Variants in MACROD1 observed in about 807,000 individuals in gnomAD.
The protein encoded by MACROD1 is ADP-ribose glycohydrolase MACROD1.
MACROD1 carries 31 observed loss-of-function variants against 41.4 expected under a neutral mutation model. The observed-to-expected ratio is 0.75, with a 90% CI of 0.56 to 1.01. The LOEUF (loss-of-function observed/expected upper bound fraction) is 1.01, where lower values mean the gene tolerates loss of function less well. Ranked by LOEUF, MACROD1 falls within the 50% of genes least tolerant of loss-of-function variation. MACROD1 has a pLI of 0.00. For synonymous variants in MACROD1, 252 were observed against 203.4 expected (o/e 1.24, Z -2.03); for missense variants, 473 against 460.0 (o/e 1.03, Z -0.26).
chr11:64,043,338 G>C (rs1943524024), intron 3 of MACROD1, among the ~76,000 whole-genome samples: 1 of 152,194 alleles, frequency 6.6e-6, no homozygotes, highest in Non-Finnish European at 1.5e-5. Context: ...CCGCCCTCAG[G>C]ACCCCACCCT....
intron 3 of MACROD1, among the ~76,000 whole-genome samples, chr11:64,043,988 T>G (rs1943537620): frequency 6.6e-6 from 1 of 152,068 alleles, no homozygotes; most frequent in African/African-American, 2.4e-5. Flanking sequence ...TAATTTTTCA[T>G]ATTTTTAGTA....
intron 4 of MACROD1, among the ~76,000 whole-genome samples, chr11:64,012,997 G>A (rs983672181): frequency 6.6e-6 from 1 of 150,726 alleles, no homozygotes; most frequent in African/African-American, 2.4e-5. Context: ...AGCATGGTTA[G>A]TTGATTTTTT....
intron 4 of MACROD1, among the ~76,000 whole-genome samples, chr11:64,013,857 C>T (rs1943046582): frequency 6.6e-6 from 1 of 152,182 alleles, no homozygotes; most frequent in East Asian, 1.9e-4. Context: ...CCCTTCCCAG[C>T]ACTCTTCGCT....
Position 64,165,774 on chromosome 11 carries a change from C to A in MACROD1, c.221G>T (p.Gly74Val). 6.7e-7 allele frequency: 1 copy of A among 1,495,610 alleles called. No homozygotes were observed. The highest frequency in any genetic ancestry group is 1.3e-5 in the South Asian group (1 of 74,872). 92.6% of individuals were successfully genotyped at this position (1,495,610 alleles called of 1,614,324 possible). A position where few individuals can be genotyped will look rare whatever the true frequency, so the allele number is the denominator to read the frequency against. Residue 74 changes from glycine to valine, a missense_variant, in exon 1 of 11, where the codon GGG becomes GTG. Gly to Val is a moderately radical substitution (Grantham distance 109). Coordinates refer to ENST00000255681, the MANE Select transcript of MACROD1 (RefSeq NM_014067.4). ...GGCCAGGGGGGCCCAAGTGCGCACCCCGGCTGTCCGCCCCACCGCCGCCGC... is the reference window on the plus strand; with the variant it reads ...GGCCAGGGGGGCCCAAGTGCGCACCACGGCTGTCCGCCCCACCGCCGCCGC... ...WGAAAVGRTA[G>V]VRTWAPLAMA...
intron 3 of MACROD1, among the ~76,000 whole-genome samples, chr11:64,092,144 C>A (rs997401247): frequency 6.6e-6 from 1 of 152,220 alleles, no homozygotes; most frequent in African/African-American, 2.4e-5. Flanking sequence ...TTAGGGTCGC[C>A]GTGGCATCCC....
At chr11:64,055,965 G>A (rs530237666) in intron 3 of MACROD1, among the ~76,000 whole-genome samples, 11 of 152,324 alleles carry the variant, frequency 7.2e-5, no homozygotes, top group African/African-American at 2.4e-4. Flanking sequence ...CACCCGGGGA[G>A]CTCCTGGGAG....
chr11:64,165,753 A>AG lies in MACROD1; in HGVS notation c.241dup (p.Leu81ProfsTer27), dbSNP rs1423172365. The AG allele has an allele frequency of 7.3e-6, 11 of 1,498,874 alleles. No individual in the cohort carries two copies. The highest frequency in any genetic ancestry group is 2.7e-5 in the East Asian group (1 of 36,840). 92.8% of individuals were successfully genotyped at this position (1,498,874 alleles called of 1,614,324 possible). A position where few individuals can be genotyped will look rare whatever the true frequency, so the allele number is the denominator to read the frequency against. Reference sequence around the variant, plus strand: ...CAGGTCCACCTTCGCCGCCATGGCCAGGGGGGCCCAAGTGCGCACCCCGGC... The same window carrying AG: ...CAGGTCCACCTTCGCCGCCATGGCCAGGGGGGGCCCAAGTGCGCACCCCGGC... On this transcript the variant is annotated frameshift_variant, in exon 1 of 11. Transcript: ENST00000255681. LOFTEE classifies it high-confidence loss of function.
At chr11:64,015,166 G>T in intron 4 of MACROD1, 86 bp downstream of exon 4, 1 of 1,376,566 alleles carries the variant, frequency 7.3e-7, no homozygotes, top group Non-Finnish European at 9.8e-7. Context: ...AGTGAGATGG[G>T]CACCGAGGGC....
rs1299444177 is a variant in MACROD1, at chr11:64,090,440, G to A, written c.517+60799C>T. 6.6e-6 allele frequency among the ~76,000 whole-genome samples: 1 copy of A among 152,204 alleles called. No homozygotes were observed. The highest frequency in any genetic ancestry group is 1.9e-4 in the East Asian group (1 of 5,202). ...CTCACCTCCAGCCCGGGCAGCAGTG[G>A]GTCGATAATAATTTACGAGGCAGCC... On this transcript the variant is annotated intron_variant, in intron 3 of 10. Coordinates refer to ENST00000255681, the MANE Select transcript of MACROD1 (RefSeq NM_014067.4). The surrounding 1 kb of genome is among the most constrained non-coding windows in gnomAD (Gnocchi z 4.7).
intron 3 of MACROD1, among the ~76,000 whole-genome samples, chr11:64,102,171 TG>T (rs1156821743): frequency 6.6e-6 from 1 of 152,128 alleles, no homozygotes; most frequent in Non-Finnish European, 1.5e-5. Flanking sequence ...CTCTCAGATG[TG>T]TAATAAAAGC....
In MACROD1 at chr11:64,137,002, C is replaced by T. The variant is rs913755383; in HGVS notation, c.517+14237G>A. Among the ~76,000 whole-genome samples, 3 of 152,232 alleles carry T rather than the reference C, an allele frequency of 2.0e-5. No individual in the cohort carries two copies. In the East Asian group the frequency reaches 5.8e-4, roughly 29 times the overall value. ...CTCTGGTGCTGAATTCATGCAGCCG[C>T]CTGTGTGATTCCTAAGGCGAGACGA... On this transcript the variant is annotated intron_variant, in intron 3 of 10. Transcript: ENST00000255681.
chr11:64,068,365 G>T (rs1264158713), intron 3 of MACROD1, among the ~76,000 whole-genome samples: 1 of 152,234 alleles, frequency 6.6e-6, no homozygotes, highest in Non-Finnish European at 1.5e-5. Context: ...GCAGGCTCAG[G>T]CCCAGCTGCC....
intron 3 of MACROD1, among the ~76,000 whole-genome samples, chr11:64,079,904 T>C (rs1944273892): frequency 6.6e-6 from 1 of 152,086 alleles, no homozygotes; most frequent in Non-Finnish European, 1.5e-5. Flanking sequence ...CAGTCGTAAA[T>C]GAGGGAGGCA....
chr11:64,110,354 TG>T (rs1287632948), intron 3 of MACROD1, among the ~76,000 whole-genome samples: 7 of 149,358 alleles, frequency 4.7e-5, no homozygotes, highest in African/African-American at 1.7e-4. Context: ...GAGGCTGAGG[TG>T]GGAGGATCAC....
At chr11:64,108,863 G>A (rs536421640) in intron 3 of MACROD1, among the ~76,000 whole-genome samples, 3 of 152,294 alleles carry the variant, frequency 2.0e-5, no homozygotes, top group African/African-American at 4.8e-5. Flanking sequence ...CCCAGGGTCT[G>A]CAGCAACCAC....
chr11:64,085,231 C>T (rs1944373027), intron 3 of MACROD1, among the ~76,000 whole-genome samples: 1 of 152,176 alleles, frequency 6.6e-6, no homozygotes, highest in Non-Finnish European at 1.5e-5. Context: ...TAGCGGGGCT[C>T]CTTGGAGAGC....
At chr11:64,051,916 TA>T (rs1943702590) in intron 3 of MACROD1, among the ~76,000 whole-genome samples, 1 of 151,524 alleles carries the variant, frequency 6.6e-6, no homozygotes. Flanking sequence ...GCAAGAGAGG[TA>T]GAGACTGGAT....
intron 3 of MACROD1, chr11:64,117,594 G>T: frequency 6.2e-7 from 1 of 1,613,128 alleles, no homozygotes; most frequent in Non-Finnish European, 8.5e-7. Context: ...GGCCATCCAC[G>T]TGAAGGCCCT....
At chr11:64,049,066 G>C (rs112415305) in intron 3 of MACROD1, among the ~76,000 whole-genome samples, 2 of 152,226 alleles carry the variant, frequency 1.3e-5, no homozygotes, top group Non-Finnish European at 2.9e-5. Context: ...TGTCCTTCAG[G>C]GGGTGGGGCC....
Sources: allele counts gnomAD v4.1 joint callset (sites outside exome capture counted in the v4.1 genomes callset), GRCh38; gene constraint gnomAD v4.1.1; non-coding constraint Gnocchi (gnomAD v3.1); transcripts MANE v1.5; gene names NCBI Gene and HGNC (gene_info 2026-07-23, HGNC 2026-07-21).